The following PTPRF variants were observed in gnomAD, a reference collection of about 807,000 sequenced individuals.
PTPRF encodes the protein receptor-type tyrosine-protein phosphatase F.
Under a neutral mutation model 201.8 loss-of-function variants are expected in PTPRF, and 59 were observed. That is an observed-to-expected ratio of 0.29 (90% confidence interval 0.24 to 0.36). The LOEUF is 0.36. Among genes scored for constraint, PTPRF ranks in the 10% least tolerant of loss-of-function variants. The pLI is 1.00. For synonymous variants in PTPRF, 1,088 were observed against 1,089.7 expected (o/e 1.00, Z 0.03); for missense variants, 2,132 against 2,690.5 (o/e 0.79, Z 4.59).
chr1:43,589,614 T>C (rs1650092778), intron 8 of PTPRF, among the ~76,000 whole-genome samples: 1 of 149,430 alleles, frequency 6.7e-6, no homozygotes, highest in Admixed American at 6.7e-5. Context: ...CCTAGCGCTT[T>C]GGGAGGCCAA....
intron 22 of PTPRF, chr1:43,613,283 C>A: frequency 2.9e-6 from 1 of 349,296 alleles, no homozygotes; most frequent in Non-Finnish European, 5.5e-6. Flanking sequence ...CAGCTCCTGT[C>A]ACGTCTGCTG....
At chr1:43,565,663 C>T (rs529001358) in intron 5 of PTPRF, among the ~76,000 whole-genome samples, 2 of 152,328 alleles carry the variant, frequency 1.3e-5, no homozygotes, top group Admixed American at 1.3e-4. Context: ...GGCAGATGGC[C>T]CCTCCCCGCA....
intron 26 of PTPRF, 39 bp from the exon 27 acceptor site, chr1:43,619,009 G>C (rs1438338923): frequency 6.3e-7 from 1 of 1,599,604 alleles, no homozygotes; most frequent in East Asian, 2.2e-5. Context: ...ATGGCAGGTA[G>C]GCTCCTAGTC....
chr1:43,605,767 G>C, intron 19 of PTPRF, 145 bp downstream of exon 19: 1 of 780,864 alleles, frequency 1.3e-6, no homozygotes, highest in Non-Finnish European at 2.1e-6. Flanking sequence ...CCCCTCTCTG[G>C]AGAGAGGGAC....
At position 43,603,824 on chromosome 1, in the gene PTPRF, G is replaced by A. The variant is rs199570599; in HGVS notation, c.2672G>A (p.Arg891Gln). 60 of 1,614,010 alleles carry A rather than the reference G, an allele frequency of 3.7e-5. No individual in the cohort carries two copies. The highest frequency in any genetic ancestry group is 5.3e-5 in the African/African-American group (4 of 74,940). Residue 891 changes from arginine (R) to glutamine (Q), a missense_variant, in exon 16 of 34, where the codon CGG (arginine) becomes CAG (glutamine). Coordinates refer to ENST00000359947, the MANE Select transcript of PTPRF (RefSeq NM_002840.5). The surrounding 1 kb of genome is among the most constrained non-coding windows in gnomAD (Gnocchi z 5.8). ...CACAAGGGGACCACCTACATCTTCC[G>A]GCTTGCTGCCAAGAACCGGGCTGGC... The part of the protein sequence containing the change: ...GLHKGTTYIF[R>Q]LAAKNRAGLG...
At chr1:43,596,886 TTG>T (rs1652397526) in intron 11 of PTPRF, among the ~76,000 whole-genome samples, 1 of 152,134 alleles carries the variant, frequency 6.6e-6, no homozygotes, top group Non-Finnish European at 1.5e-5. Flanking sequence ...CTCTAAGACA[TTG>T]TGTGTGAGAG....
chr1:43,549,270 A>G (rs959283609), intron 3 of PTPRF, among the ~76,000 whole-genome samples: 1 of 152,214 alleles, frequency 6.6e-6, no homozygotes, highest in African/African-American at 2.4e-5. Flanking sequence ...GGCACGGGGC[A>G]GAGTAGTTCA....
At chr1:43,526,083 G>C (rs1269819389), upstream of PTPRF, among the ~76,000 whole-genome samples, 1 of 152,110 alleles carries the variant, frequency 6.6e-6, no homozygotes, top group African/African-American at 2.4e-5. Flanking sequence ...GGGGAATAGA[G>C]AGCAAAGCCT....
chr1:43,596,808 T>C (rs1280726659), intron 11 of PTPRF, among the ~76,000 whole-genome samples: 1 of 152,152 alleles, frequency 6.6e-6, no homozygotes, highest in African/African-American at 2.4e-5. Flanking sequence ...GTATGTGATA[T>C]CGTGTATGTT....
At chr1:43,564,406 T>C (rs993305160) in intron 5 of PTPRF, among the ~76,000 whole-genome samples, 2 of 152,168 alleles carry the variant, frequency 1.3e-5, no homozygotes, top group Non-Finnish European at 2.9e-5. Context: ...TGCATGTGTC[T>C]CCAGGCGCAC....
chr1:43,606,271 A>G lies in PTPRF; in HGVS notation c.3515A>G (p.Glu1172Gly), dbSNP rs1469140370. The G allele has an allele frequency of 1.2e-5, 20 of 1,613,752 alleles. No individual in the cohort carries two copies. The highest frequency in any genetic ancestry group is 1.6e-5 in the Non-Finnish European group (19 of 1,179,928). ...GAAGCCATCGAGCAAGGCGGAGAGG[A>G]GCAGCGGCGGCGGCGGCGGCAGGCA... ...LLEAIEQGGE[E>G]QRRRRRQAER... Residue 1172 changes from glutamate (E) to glycine (G), a missense_variant, in exon 20 of 34, where the codon GAG (glutamate) becomes GGG (glycine). Around this residue, in one of 6 missense-constraint regions of PTPRF, gnomAD observed 818 missense variants for 915.3 expected, o/e 0.89. Transcript: ENST00000359947.
chr1:43,596,810 G>C (rs905595827), intron 11 of PTPRF, among the ~76,000 whole-genome samples: 1 of 152,214 alleles, frequency 6.6e-6, no homozygotes, highest in Non-Finnish European at 1.5e-5. Flanking sequence ...ATGTGATATC[G>C]TGTATGTTTT....
intron 13 of PTPRF, 89 bp downstream of exon 13, chr1:43,599,002 C>G (rs1203518933): frequency 7.3e-7 from 1 of 1,374,972 alleles, no homozygotes; most frequent in African/African-American, 1.4e-5. Context: ...GTCCCTCTTC[C>G]CCTGCCTGCC....
chr1:43,597,685 A>T, intron 11 of PTPRF, 63 bp from the exon 12 acceptor site: 1 of 1,169,106 alleles, frequency 8.6e-7, no homozygotes, highest in Non-Finnish European at 1.2e-6. Flanking sequence ...ACTGTGACTC[A>T]GTCATTGTGC....
rs777738109 is a variant in PTPRF, at chr1:43,605,553, C to A, written c.3414C>A (p.Pro1138=). Residue 1138 remains proline, a synonymous_variant, in exon 19 of 34, where the codon CCC becomes CCA. Coordinates refer to ENST00000359947, the MANE Select transcript of PTPRF (RefSeq NM_002840.5). ...LVRWFYIVVV[P]IDRVGGSMLT... is the part of the protein sequence containing the mutation. Reference sequence around the variant, plus strand: ...GGTGGTTCTACATTGTTGTGGTGCCCATTGACCGTGTGGGCGGGAGCATGC... The same window carrying A: ...GGTGGTTCTACATTGTTGTGGTGCCAATTGACCGTGTGGGCGGGAGCATGC... The A allele has an allele frequency of 1.2e-6, 2 of 1,614,140 alleles. No homozygotes were observed. The highest frequency in any genetic ancestry group is 2.2e-5 in the South Asian group (2 of 91,084).
Position 43,590,954 on chromosome 1 carries a change from C to T in PTPRF, c.950-18C>T, listed in dbSNP as rs17849127. ...ATCTTGACCTCGGGCAGCTTTGAGC[C>T]TTCCACTTTGTCTCCAGCTCTTCCA... On this transcript the variant is annotated intron_variant, in intron 8 of 33. Coordinates refer to ENST00000359947, the MANE Select transcript of PTPRF (RefSeq NM_002840.5). 1.5e-5 allele frequency: 24 copies of T among 1,593,662 alleles called. No homozygotes were observed. In the East Asian group the frequency reaches 5.4e-4, roughly 36 times the overall value.
intron 6 of PTPRF, 51 bp downstream of exon 6, chr1:43,569,829 C>T (rs1557735847): frequency 6.5e-7 from 1 of 1,537,240 alleles, no homozygotes; most frequent in Non-Finnish European, 8.8e-7. Context: ...GAACAAGCGT[C>T]TTGTCAGATC....
chr1:43,621,733 G>C (rs1351216740), intron 33 of PTPRF, among the ~76,000 whole-genome samples: 1 of 152,160 alleles, frequency 6.6e-6, no homozygotes, highest in Admixed American at 6.5e-5. Context: ...GTAGATGTGG[G>C]GGCCTGAGAG....
Position 43,546,320 on chromosome 1 carries a change from T to G in PTPRF, c.91+1154T>G, listed in dbSNP as rs1569619855. Reference sequence around the variant, plus strand: ...AGAAGGGGCAGGCATTCCCAAGGGGTGGGGCAAAGGGTCATGGGAGCACCA... The same window carrying G: ...AGAAGGGGCAGGCATTCCCAAGGGGGGGGGCAAAGGGTCATGGGAGCACCA... On this transcript the variant is annotated intron_variant, in intron 3 of 33. Coordinates refer to ENST00000359947, the MANE Select transcript of PTPRF (RefSeq NM_002840.5). This position sits in a 1 kb window ranked among gnomAD's most constrained non-coding sequence, Gnocchi z 4.2. 6.6e-6 allele frequency among the ~76,000 whole-genome samples: 1 copy of G among 150,682 alleles called. No individual in the cohort carries two copies. The highest frequency in any genetic ancestry group is 2.1e-4 in the South Asian group (1 of 4,714).
Sources: gnomAD v4.1 joint callset for allele counts (sites outside exome capture counted in the v4.1 genomes callset) on GRCh38, gnomAD v4.1.1 for gene constraint, gnomAD v4.1.1 regional missense constraint, Gnocchi (gnomAD v3.1) non-coding constraint, MANE v1.5 for transcripts, NCBI Gene and HGNC (gene_info 2026-07-23, HGNC 2026-07-21) for gene names.